The following CACNA1A variants were observed in gnomAD, a reference collection of about 807,000 sequenced individuals.
CACNA1A encodes calcium voltage-gated channel subunit alpha1 A.
CACNA1A carries 57 observed loss-of-function variants against 262.4 expected under a neutral mutation model. The ratio of observed to expected loss-of-function variants is 0.22; its 90% CI spans 0.18 to 0.27. CACNA1A has a LOEUF of 0.27. Among genes scored for constraint, CACNA1A ranks in the 10% least tolerant of loss-of-function variants. The pLI is 1.00. For synonymous variants in CACNA1A, 1,431 were observed against 1,419.3 expected, an observed-to-expected ratio of 1.01 and a Z score of -0.18; for missense variants, 2,526 against 3,562.8, an observed-to-expected ratio of 0.71 and a Z score of 7.41.
intron 4 of CACNA1A, among the ~76,000 whole-genome samples, chr19:13,367,454 G>A (rs796630949): frequency 6.6e-6 from 1 of 152,002 alleles, no homozygotes; most frequent in East Asian, 1.9e-4. Flanking sequence ...GGGGCCAGGT[G>A]TGGTGGCTCA....
chr19:13,359,824 T>C, intron 5 of CACNA1A, 25 bp from the exon 6 acceptor site: 1 of 1,476,944 alleles, frequency 6.8e-7, no homozygotes, highest in Non-Finnish European at 9.1e-7. Flanking sequence ...GGGAGAAAAG[T>C]CAGGGGAAGG....
intron 1 of CACNA1A, among the ~76,000 whole-genome samples, chr19:13,497,136 C>G (rs375334256): frequency 1.3e-5 from 2 of 151,954 alleles, no homozygotes; most frequent in Admixed American, 1.3e-4. Context: ...TCTCAGAATA[C>G]AAGCAGGACC....
At chr19:13,218,336 G>A (rs937837538) in intron 38 of CACNA1A, among the ~76,000 whole-genome samples, 1 of 152,094 alleles carries the variant, frequency 6.6e-6, no homozygotes, top group Non-Finnish European at 1.5e-5. Flanking sequence ...ACCTCTGGAG[G>A]GACTGGAGAC....
intron 12 of CACNA1A, among the ~76,000 whole-genome samples, chr19:13,310,081 T>C (rs1163725536): frequency 1.3e-5 from 2 of 152,164 alleles, no homozygotes; most frequent in African/African-American, 4.8e-5. Context: ...ATACTTGACC[T>C]TTTGTGTTTG....
chr19:13,314,335 T>C (rs2058087238), intron 11 of CACNA1A, among the ~76,000 whole-genome samples: 1 of 152,186 alleles, frequency 6.6e-6, no homozygotes, highest in Non-Finnish European at 1.5e-5. Context: ...ATGGTTTAAA[T>C]GTTTGTGTCC....
chr19:13,239,536 T>C (rs1242755038), intron 31 of CACNA1A, among the ~76,000 whole-genome samples: 1 of 152,114 alleles, frequency 6.6e-6, no homozygotes, highest in Non-Finnish European at 1.5e-5. Flanking sequence ...TGGCACCAAA[T>C]AGGGGCTCAT....
chr19:13,214,138 G>C lies in CACNA1A; in HGVS notation c.5940+95C>G, dbSNP rs1381215648. ...CCCCTACTTTTCAGGGACCTGCCCT[G>C]GGGCTCAGCCACCCTCATATTCCAG... On this transcript the variant is annotated intron_variant, in intron 40 of 46. Transcript: ENST00000360228. This position sits in a 1 kb window ranked among gnomAD's most constrained non-coding sequence, Gnocchi z 4.1. 1.7e-5 allele frequency: 17 copies of C among 1,002,868 alleles called. No individual in the cohort carries two copies. The highest frequency in any genetic ancestry group is 2.6e-5 in the Non-Finnish European group (17 of 665,934). 62.1% of individuals were successfully genotyped at this position (1,002,868 alleles called of 1,614,324 possible). A position where few individuals can be genotyped will look rare whatever the true frequency, so the allele number is the denominator to read the frequency against.
chr19:13,361,036 T>G (rs2059102150), intron 5 of CACNA1A, among the ~76,000 whole-genome samples: 1 of 152,184 alleles, frequency 6.6e-6, no homozygotes, highest in Non-Finnish European at 1.5e-5. Context: ...AGTGCAGCCT[T>G]CTTCCGACAT....
Position 13,506,462 on chromosome 19 carries a change from T to G in CACNA1A, c.-238A>C. Reference sequence around the variant, plus strand: ...CCGGGGATAGCAGCTCGGGACATCTTCCTGGCTGACCCCGGAGAAGGAGGG... The same window carrying G: ...CCGGGGATAGCAGCTCGGGACATCTGCCTGGCTGACCCCGGAGAAGGAGGG... On this transcript the variant is annotated 5_prime_UTR_variant, in exon 1 of 47. Transcript: ENST00000360228. The G allele has an allele frequency of 3.0e-5, 6 of 198,132 alleles. No homozygotes were observed. Among genetic ancestry groups the G allele is most frequent in the East Asian group, 1.1e-4 (1 of 9,344 alleles). The allele number at this position is 198,132 out of a possible 1,614,324, so 12.3% of individuals were successfully genotyped here.
At chr19:13,393,715 TTCTG>T (rs140971116) in intron 3 of CACNA1A, among the ~76,000 whole-genome samples, 1 of 140,530 alleles carries the variant, frequency 7.1e-6, no homozygotes, top group African/African-American at 2.6e-5. Context: ...CTCTCTCTCT[TTCTG>T]TCTTCCTCTT....
chr19:13,224,795 G>C (rs774189648), intron 37 of CACNA1A, 23 bp from the exon 38 acceptor site: 1 of 1,565,276 alleles, frequency 6.4e-7, no homozygotes, highest in Non-Finnish European at 8.7e-7. Flanking sequence ...CAAGGCAAGC[G>C]CAGTCATTCC....
At chr19:13,462,794 C>G (rs150920713) in intron 1 of CACNA1A, among the ~76,000 whole-genome samples, 20 of 152,302 alleles carry the variant, frequency 1.3e-4, no homozygotes, top group Non-Finnish European at 2.9e-4. Context: ...GGGTCTTGCT[C>G]TGTTGCCCAG....
At chr19:13,406,068 C>A (rs2059997176) in intron 3 of CACNA1A, among the ~76,000 whole-genome samples, 1 of 152,068 alleles carries the variant, frequency 6.6e-6, no homozygotes, top group Admixed American at 6.6e-5. Flanking sequence ...GTAATCCTAG[C>A]ATTTTGGGAG....
At position 13,298,673 on chromosome 19, in the gene CACNA1A, C is replaced by G. The variant is rs955869211; in HGVS notation, c.2960G>C (p.Arg987Pro). The change falls in exon 19 of 47, where the codon CGG becomes CCG. Residue 987 changes from arginine (R) to proline (P), a missense_variant. This residue lies in a region of CACNA1A where 765 missense variants were observed against 748.6 expected (regional missense o/e 1.02). Transcript: ENST00000360228. ...GCCCTCGCCCTCGCCCTCGCCGCCC[C>G]GGGCCGGCCGGCTGCCCTCGCGGTG... The part of the protein sequence containing the change: ...ARHREGSRPA[R>P]GGEGEGEGPD... 1.4e-5 allele frequency: 21 copies of G among 1,476,744 alleles called. No individual in the cohort carries two copies. In the African/African-American group the frequency reaches 3.0e-4, roughly 21 times the overall value. The allele number at this position is 1,476,744 out of a possible 1,614,324, so 91.5% of individuals were successfully genotyped here. A position where few individuals can be genotyped will look rare whatever the true frequency, so the allele number is the denominator to read the frequency against.
At chr19:13,219,510 CAA>C (rs2055141829) in intron 38 of CACNA1A, among the ~76,000 whole-genome samples, 1 of 152,138 alleles carries the variant, frequency 6.6e-6, no homozygotes, top group Non-Finnish European at 1.5e-5. Flanking sequence ...GCATTACATA[CAA>C]AGAGTGGGGG....
At chr19:13,243,710 C>T (rs1439033976) in intron 31 of CACNA1A, 1 of 152,208 alleles carries the variant, frequency 6.6e-6, no homozygotes, top group African/African-American at 2.4e-5. Flanking sequence ...GCATGCACCA[C>T]CACACCTGGC....
Position 13,214,242 on chromosome 19 carries a change from G to A in CACNA1A, c.5931C>T (p.Arg1977=), listed in dbSNP as rs377136737. Residue 1977 remains arginine (R), a synonymous_variant, in exon 40 of 47, where the codon CGC becomes CGT. Coordinates refer to ENST00000360228, the MANE Select transcript of CACNA1A (RefSeq NM_001127222.2). This position sits in a 1 kb window ranked among gnomAD's most constrained non-coding sequence, Gnocchi z 4.1. ...QSKAKKLQAM[R]EEQDRTPLMF... ...GCGGCGAACAGCGCACCTGCTCCTC[G>A]CGCATGGCCTGCAGCTTCTTGGCCT... The A allele has an allele frequency of 4.0e-5, 64 of 1,608,780 alleles. No individual in the cohort carries two copies. Among genetic ancestry groups the A allele is most frequent in the African/African-American group, 6.7e-5 (5 of 74,918 alleles).
intron 38 of CACNA1A, among the ~76,000 whole-genome samples, chr19:13,217,117 C>A (rs1017786710): frequency 2.0e-5 from 3 of 151,946 alleles, no homozygotes; most frequent in Admixed American, 2.0e-4. Context: ...GCCTGGGCGA[C>A]AGAACGAGAC....
chr19:13,297,774 G>T (rs2057694614), intron 19 of CACNA1A, among the ~76,000 whole-genome samples: 1 of 152,102 alleles, frequency 6.6e-6, no homozygotes, highest in African/African-American at 2.4e-5. Context: ...GACTGCCACT[G>T]CACTCCAGCC....
Sources: gnomAD v4.1 joint callset for allele counts (sites outside exome capture counted in the v4.1 genomes callset) on GRCh38, gnomAD v4.1.1 for gene constraint, gnomAD v4.1.1 regional missense constraint, Gnocchi (gnomAD v3.1) non-coding constraint, MANE v1.5 for transcripts, NCBI Gene and HGNC (gene_info 2026-07-23, HGNC 2026-07-21) for gene names.